FBXL7: variants seen among roughly 807,000 people sequenced by gnomAD.
FBXL7 encodes the protein F-box and leucine rich repeat protein 7, also known as F-box/LRR-repeat protein 7.
FBXL7 carries 12 observed loss-of-function variants against 38.3 expected under a neutral mutation model. The ratio of observed to expected loss-of-function variants is 0.31; its 90% CI spans 0.20 to 0.51. The LOEUF is 0.51. FBXL7 is among the 20% of genes least tolerant of loss of function. The pLI, the probability that FBXL7 is intolerant of heterozygous loss-of-function variation, is 0.98. For missense variants in FBXL7, 567 were observed against 676.4 expected (o/e 0.84, Z 1.79); for synonymous variants, 297 against 300.9 (o/e 0.99, Z 0.13).
At chr5:15,539,924 G>T (rs1737699629) in intron 1 of FBXL7, among the ~76,000 whole-genome samples, 1 of 151,976 alleles carries the variant, frequency 6.6e-6, no homozygotes, top group Non-Finnish European at 1.5e-5. Flanking sequence ...CTGCTTTCCT[G>T]GTTGTATTTC....
intron 2 of FBXL7, among the ~76,000 whole-genome samples, chr5:15,690,568 T>A (rs1217433590): frequency 3.3e-5 from 5 of 152,240 alleles, no homozygotes. Context: ...TTGTAGCTAT[T>A]GTGAAATATA....
At chr5:15,873,819 C>G (rs1740079348) in intron 2 of FBXL7, among the ~76,000 whole-genome samples, 2 of 152,158 alleles carry the variant, frequency 1.3e-5, no homozygotes, top group African/African-American at 4.8e-5. Context: ...GTATTCACAG[C>G]TGAATTCTAC....
intron 2 of FBXL7, among the ~76,000 whole-genome samples, chr5:15,912,487 G>GCGT (rs1741461543): frequency 2.0e-5 from 3 of 151,354 alleles, no homozygotes; most frequent in Admixed American, 1.3e-4. Context: ...CCCGTCTTCT[G>GCGT]CGTCGCTCAC....
At chr5:15,755,781 T>G (rs1736281827) in intron 2 of FBXL7, among the ~76,000 whole-genome samples, 1 of 152,200 alleles carries the variant, frequency 6.6e-6, no homozygotes, top group Non-Finnish European at 1.5e-5. Flanking sequence ...CAATAGGAAC[T>G]AACCAGATGT....
chr5:15,790,285 AATCTGGAGTCTGACC>A (rs1737240266), intron 2 of FBXL7, among the ~76,000 whole-genome samples: 1 of 152,082 alleles, frequency 6.6e-6, no homozygotes, highest in African/African-American at 2.4e-5. Flanking sequence ...CTGAGCACAG[AATCTGGAGTCTGACC>A]ACCTGGAGTT....
At chr5:15,862,811 A>C (rs746755308) in intron 2 of FBXL7, among the ~76,000 whole-genome samples, 7 of 152,110 alleles carry the variant, frequency 4.6e-5, no homozygotes, top group South Asian at 2.1e-4. Flanking sequence ...GCAGAAAGGA[A>C]CCTCAACTCC....
rs116097335 is a variant in FBXL7 at position 15,504,741 on chromosome 5, T to G, written c.37+4028T>G. On this transcript the variant is annotated intron_variant, in intron 1 of 3. Transcript: ENST00000504595. ...CATGTGTAGAAATCTGGAGAATAAG[T>G]TGGGGTGCTTCAAAGTCATTAGAAC... Among the ~76,000 whole-genome samples, 966 of 152,262 alleles carry G rather than the reference T, an allele frequency of 6.3e-3. 12 individuals carry two copies. Among genetic ancestry groups the G allele is most frequent in the African/African-American group, 0.021 (876 of 41,546 alleles).
intron 2 of FBXL7, among the ~76,000 whole-genome samples, chr5:15,643,145 C>G (rs913917792): frequency 3.9e-5 from 6 of 152,154 alleles, no homozygotes; most frequent in African/African-American, 1.4e-4. Flanking sequence ...TTATGTAAAT[C>G]TCAGTGAACT....
intron 2 of FBXL7, among the ~76,000 whole-genome samples, chr5:15,805,006 ACT>A (rs78331753): frequency 0.53 from 80,368 of 151,288 alleles, 22,599 homozygotes; most frequent in Non-Finnish European, 0.64. Flanking sequence ...TATTCTGAGA[ACT>A]CTCTCTTTGG....
At chr5:15,646,663 T>C (rs1741542096) in intron 2 of FBXL7, among the ~76,000 whole-genome samples, 1 of 152,218 alleles carries the variant, frequency 6.6e-6, no homozygotes, top group Non-Finnish European at 1.5e-5. Flanking sequence ...GCTTATTTTG[T>C]TGTTTTGCAA....
At chr5:15,764,541 A>C (rs13170409) in intron 2 of FBXL7, among the ~76,000 whole-genome samples, 17,312 of 152,186 alleles carry the variant, frequency 0.11, 1,066 homozygotes, top group South Asian at 0.16. Context: ...CGTGATGAGG[A>C]GGGATAGGAG....
At chr5:15,732,335 A>C (rs1042750089) in intron 2 of FBXL7, among the ~76,000 whole-genome samples, 1 of 152,238 alleles carries the variant, frequency 6.6e-6, no homozygotes, top group Non-Finnish European at 1.5e-5. Flanking sequence ...CTTGATCCAC[A>C]CAAAAGGAGT....
At chr5:15,836,006 G>A (rs1738582787) in intron 2 of FBXL7, among the ~76,000 whole-genome samples, 1 of 152,086 alleles carries the variant, frequency 6.6e-6, no homozygotes, top group Non-Finnish European at 1.5e-5. Context: ...TACTTAGATA[G>A]GTTATAGGAA....
intron 1 of FBXL7, among the ~76,000 whole-genome samples, chr5:15,589,116 T>C (rs1739389936): frequency 6.6e-6 from 1 of 152,220 alleles, no homozygotes; most frequent in Non-Finnish European, 1.5e-5. Flanking sequence ...AGAAACTCCA[T>C]GCTCCTGACC....
chr5:15,766,014 A>ATCTG (rs70938028), intron 2 of FBXL7, among the ~76,000 whole-genome samples: 18,036 of 151,036 alleles, frequency 0.12, 1,102 homozygotes, highest in South Asian at 0.16. Context: ...CTTCATCTAT[A>ATCTG]TCTGTCTGTC....
chr5:15,733,643 C>T (rs1352364627), intron 2 of FBXL7, among the ~76,000 whole-genome samples: 1 of 152,050 alleles, frequency 6.6e-6, no homozygotes, highest in Non-Finnish European at 1.5e-5. Flanking sequence ...ATAAATATAA[C>T]GTGATTAAAA....
At chr5:15,656,149 A>G (rs139747709) in intron 2 of FBXL7, among the ~76,000 whole-genome samples, 4 of 152,344 alleles carry the variant, frequency 2.6e-5, no homozygotes, top group South Asian at 2.1e-4. Flanking sequence ...AACTGGAACT[A>G]TCTGCTCCAT....
At chr5:15,686,694 G>C (rs1013905653) in intron 2 of FBXL7, among the ~76,000 whole-genome samples, 1 of 152,170 alleles carries the variant, frequency 6.6e-6, no homozygotes, top group Non-Finnish European at 1.5e-5. Flanking sequence ...TAATTTAGAA[G>C]GTGAAATGGA....
rs184104522 is a variant in FBXL7, at chr5:15,848,450, C to T, written c.128-79440C>T. ...AGGCTGGAGTGCAGTGGCGTGATTT[C>T]GGCTCACTGAAACCTCCACCTCCCA... On this transcript the variant is annotated intron_variant, in intron 2 of 3. Transcript: ENST00000504595. Among the ~76,000 whole-genome samples, 460 of 152,150 alleles carry T rather than the reference C, an allele frequency of 3.0e-3. 3 individuals are homozygous for T. Among genetic ancestry groups the T allele is most frequent in the African/African-American group, 0.011 (448 of 41,506 alleles).
Sources: allele counts gnomAD v4.1 joint callset (sites outside exome capture counted in the v4.1 genomes callset), GRCh38; gene constraint gnomAD v4.1.1; transcripts MANE v1.5; gene names NCBI Gene and HGNC (gene_info 2026-07-23, HGNC 2026-07-21).